Variants in HIVEP3 observed in about 807,000 individuals in gnomAD.
HIVEP3 encodes the protein transcription factor HIVEP3.
HIVEP3 carries 49 observed loss-of-function variants against 152.8 expected under a neutral mutation model. The observed-to-expected ratio is 0.32, with a 90% CI of 0.26 to 0.41. HIVEP3 has a LOEUF of 0.41. HIVEP3 is among the 10% of genes least tolerant of loss of function. The pLI, the probability that HIVEP3 is intolerant of heterozygous loss-of-function variation, is 1.00. For synonymous variants in HIVEP3, 1,269 were observed against 1,289.0 expected, an observed-to-expected ratio of 0.98 and a Z score of 0.33; for missense variants, 2,790 against 3,103.3, an observed-to-expected ratio of 0.90 and a Z score of 2.40.
At chr1:41,539,655 G>A (rs1013657066) in intron 5 of HIVEP3, among the ~76,000 whole-genome samples, 1 of 152,196 alleles carries the variant, frequency 6.6e-6, no homozygotes, top group African/African-American at 2.4e-5. Context: ...CCAGAGCTGG[G>A]AGGGCTGAGG....
intron 7 of HIVEP3, 36 bp from the exon 8 acceptor site, chr1:41,513,786 G>T (rs1226145837): frequency 6.7e-7 from 1 of 1,501,742 alleles, no homozygotes. Flanking sequence ...GGTCACAGTT[G>T]GGCCTTGGCC....
rs1969749 is a variant in HIVEP3 at position 41,508,237 on chromosome 1, C to T, written c.*2214G>A. On this transcript the variant is annotated 3_prime_UTR_variant, in exon 9 of 9. Coordinates refer to ENST00000372583, the MANE Select transcript of HIVEP3 (RefSeq NM_024503.5). The stretch of plus-strand genomic sequence containing the variant: ...GAGCTTGCCCAGGCAGATTTCTAAC[C>T]TGGGCTGAAGCAATGCCCTTTATGC... 0.48 allele frequency: 72,944 copies of T among 152,128 alleles called. 20,330 individuals carry two copies. Among genetic ancestry groups the T allele is most frequent in the South Asian group, 0.66 (3,165 of 4,826 alleles). The allele number at this position is 152,128 out of a possible 1,614,324, so 9.4% of individuals were successfully genotyped here.
intron 1 of HIVEP3, among the ~76,000 whole-genome samples, chr1:41,899,007 A>G (rs187061648): frequency 1.3e-5 from 2 of 152,378 alleles, no homozygotes; most frequent in African/African-American, 4.8e-5. Context: ...TCTGCACAAG[A>G]TGCGGATGGT....
At chr1:41,984,641 ATGG>A (rs1645311593) in intron 1 of HIVEP3, among the ~76,000 whole-genome samples, 1 of 152,218 alleles carries the variant, frequency 6.6e-6, no homozygotes, top group Non-Finnish European at 1.5e-5. Flanking sequence ...TGGAGGACAC[ATGG>A]CAGAGAAGTT....
intron 3 of HIVEP3, among the ~76,000 whole-genome samples, chr1:41,624,125 A>T (rs942296684): frequency 6.6e-6 from 1 of 151,652 alleles, no homozygotes; most frequent in Non-Finnish European, 1.5e-5. Flanking sequence ...TACTGACTGC[A>T]CTCTCCACAG....
intron 1 of HIVEP3, among the ~76,000 whole-genome samples, chr1:41,827,184 C>A (rs1416058288): frequency 6.6e-6 from 1 of 152,214 alleles, no homozygotes; most frequent in East Asian, 1.9e-4. Flanking sequence ...GCGACATGAA[C>A]CTGGCCCAAT....
rs529511143 is a variant in HIVEP3 at position 41,526,299 on chromosome 1, ACACT to A, written c.5208-1393_5208-1390del. Among the ~76,000 whole-genome samples, 580 of 132,802 alleles carry A rather than the reference ACACT, an allele frequency of 4.4e-3. 3 individuals carry two copies. Among genetic ancestry groups the A allele is most frequent in the Non-Finnish European group, 6.9e-3 (424 of 61,458 alleles). 87.1% of individuals were successfully genotyped at this position (132,802 alleles called of 152,430 possible). On this transcript the variant is annotated intron_variant, in intron 5 of 8. Coordinates refer to ENST00000372583, the MANE Select transcript of HIVEP3 (RefSeq NM_024503.5). The stretch of plus-strand genomic sequence containing the variant: ...CACCCTCACACGCTCACCCTCACAC[ACACT>A]CACCCTCACACGCTCACCCTCATAC...
At chr1:41,709,973 G>A (rs1203872424) in intron 1 of HIVEP3, among the ~76,000 whole-genome samples, 1 of 152,106 alleles carries the variant, frequency 6.6e-6, no homozygotes, top group Non-Finnish European at 1.5e-5. Context: ...GGGACTTTCG[G>A]TTAAGAACCC....
chr1:41,828,983 T>C (rs1642882145), intron 1 of HIVEP3, among the ~76,000 whole-genome samples: 1 of 152,338 alleles, frequency 6.6e-6, no homozygotes, highest in Non-Finnish European at 1.5e-5. Context: ...CCAACCCTCC[T>C]GCAAGGCAGA....
chr1:41,527,573 T>C, intron 5 of HIVEP3, among the ~76,000 whole-genome samples: 1 of 97,394 alleles, frequency 1.0e-5, no homozygotes, highest in South Asian at 3.8e-4. Context: ...TCTTTCACAC[T>C]CCACACTCAA....
rs1645742237 is a variant in HIVEP3 at position 41,662,993 on chromosome 1, G to A, written c.-720-34046C>T. Among the ~76,000 whole-genome samples the A allele has an allele frequency of 6.6e-6, 1 of 152,190 alleles. No individual in the cohort carries two copies. The highest frequency in any genetic ancestry group is 2.4e-5 in the African/African-American group (1 of 41,460). On this transcript the variant is annotated intron_variant, in intron 2 of 8. Coordinates refer to ENST00000372583, the MANE Select transcript of HIVEP3 (RefSeq NM_024503.5). This position sits in a 1 kb window ranked among gnomAD's most constrained non-coding sequence, Gnocchi z 7.2. ...CCAGGGCCTCCCTGGGCTCAGGCCT[G>A]GGGTGGGGGCGGGGGACACCCCGGG... is the stretch of plus-strand genomic sequence containing the variant.
At chr1:41,620,724 C>A (rs1296569954) in intron 3 of HIVEP3, among the ~76,000 whole-genome samples, 1 of 152,136 alleles carries the variant, frequency 6.6e-6, no homozygotes, top group Admixed American at 6.5e-5. Context: ...TTCAGGCTTG[C>A]GACACTAGTG....
At chr1:41,993,805 G>GC (rs1570876610) in intron 1 of HIVEP3, among the ~76,000 whole-genome samples, 1 of 151,698 alleles carries the variant, frequency 6.6e-6, no homozygotes, top group East Asian at 1.9e-4. Flanking sequence ...ATACACCATG[G>GC]AATACTATGC....
At chr1:41,530,103 C>A (rs1038131553) in intron 5 of HIVEP3, among the ~76,000 whole-genome samples, 12 of 152,168 alleles carry the variant, frequency 7.9e-5, no homozygotes, top group Non-Finnish European at 1.6e-4. Flanking sequence ...TACAGGTGGA[C>A]CCTGTTTTTT....
At chr1:41,520,851 G>C (rs537091620) in intron 6 of HIVEP3, among the ~76,000 whole-genome samples, 1 of 152,294 alleles carries the variant, frequency 6.6e-6, no homozygotes, top group East Asian at 1.9e-4. Context: ...CTGACTCTGG[G>C]CCCAGGTGCT....
intron 1 of HIVEP3, among the ~76,000 whole-genome samples, chr1:41,768,731 A>C (rs1216530833): frequency 6.6e-6 from 1 of 152,202 alleles, no homozygotes; most frequent in Non-Finnish European, 1.5e-5. Flanking sequence ...TACACTGAGG[A>C]GTTGCTGCTT....
At chr1:41,625,237 A>C (rs80255948) in intron 3 of HIVEP3, among the ~76,000 whole-genome samples, 1 of 33,084 alleles carries the variant, frequency 3.0e-5, no homozygotes, top group African/African-American at 3.4e-4. Context: ...AACAAGAAAG[A>C]AAAAGGAATA....
Position 41,513,359 on chromosome 1 carries a change from T to A in HIVEP3, c.5862A>T (p.Thr1954=). Residue 1954 remains threonine (T), a synonymous_variant, in exon 8 of 9, where the codon ACA becomes ACT. Transcript: ENST00000372583. ...PAPLGSVEKD[T]GSALSYKPVS... is the part of the protein sequence containing the mutation. Reference sequence around the variant, plus strand: ...CAGGCTTGTAGCTCAAGGCTGAGCCTGTGTCTTTCTCCACAGAGCCCAGAG... The same window carrying A: ...CAGGCTTGTAGCTCAAGGCTGAGCCAGTGTCTTTCTCCACAGAGCCCAGAG... 1.9e-6 allele frequency: 3 copies of A among 1,612,330 alleles called. No individual in the cohort carries two copies. The highest frequency in any genetic ancestry group is 2.5e-6 in the Non-Finnish European group (3 of 1,179,670).
In HIVEP3 at chr1:41,664,816, C is replaced by G. The variant is rs897935139; in HGVS notation, c.-720-35869G>C. On this transcript the variant is annotated intron_variant, in intron 2 of 8. Transcript: ENST00000372583. This position sits in a 1 kb window ranked among gnomAD's most constrained non-coding sequence, Gnocchi z 4.4. ...GCTTGGGATTTGTCTCCTCCTTTCT[C>G]TTGACAAACTCCTCTGCAGCCATCA... 6.6e-6 allele frequency among the ~76,000 whole-genome samples: 1 copy of G among 152,180 alleles called. No homozygotes were observed. Among genetic ancestry groups the G allele is most frequent in the African/African-American group, 2.4e-5 (1 of 41,428 alleles).
Sources: gnomAD v4.1 joint callset for allele counts (sites outside exome capture counted in the v4.1 genomes callset) on GRCh38, gnomAD v4.1.1 for gene constraint, Gnocchi (gnomAD v3.1) non-coding constraint, MANE v1.5 for transcripts, NCBI Gene and HGNC (gene_info 2026-07-23, HGNC 2026-07-21) for gene names.